The following TOP2B variants were observed in gnomAD, a reference collection of about 807,000 sequenced individuals.
TOP2B encodes the protein DNA topoisomerase II beta, also known as DNA topoisomerase 2-beta.
Under a neutral mutation model 193.5 loss-of-function variants are expected in TOP2B, and 51 were observed. That is an observed-to-expected ratio of 0.26 (90% confidence interval 0.21 to 0.33). The LOEUF (loss-of-function observed/expected upper bound fraction) is 0.33, where lower values mean the gene tolerates loss of function less well. TOP2B is among the 10% of genes least tolerant of loss of function. TOP2B has a pLI of 1.00. For missense variants in TOP2B, 1,378 were observed against 1,909.3 expected, an observed-to-expected ratio of 0.72 and a Z score of 5.19; for synonymous variants, 634 against 635.7, an observed-to-expected ratio of 1.00 and a Z score of 0.04.
chr3:25,608,076 T>C (rs186377673), intron 30 of TOP2B, among the ~76,000 whole-genome samples: 21 of 152,336 alleles, frequency 1.4e-4, no homozygotes, highest in East Asian at 7.7e-4. Context: ...TGAGCCACTG[T>C]ACCGACACCT....
rs1454051920 is a variant in TOP2B, at chr3:25,607,174, G to A, written c.4295C>T (p.Pro1432Leu). 4 of 1,612,860 alleles carry A rather than the reference G, an allele frequency of 2.5e-6. No homozygotes were observed. Among genetic ancestry groups the A allele is most frequent in the Non-Finnish European group, 2.5e-6 (3 of 1,179,452 alleles). ...ATCACTAAATAGCATTACTTACTCTGGAGTGGCTTTTGATTTGCCTGGTGA... is the reference window on the plus strand; with the variant it reads ...ATCACTAAATAGCATTACTTACTCTAGAGTGGCTTTTGATTTGCCTGGTGA... Reference protein sequence around the residue: ...TFSPGKSKATPEKSLHDKKSQ... With the variant: ...TFSPGKSKATLEKSLHDKKSQ... Residue 1432 changes from proline (P) to leucine (L), a missense_variant, in exon 31 of 36, where the codon CCA becomes CTA. Physicochemically the swap from Pro to Leu is moderately conservative, Grantham distance 98. Coordinates refer to ENST00000264331, the MANE Select transcript of TOP2B (RefSeq NM_001330700.2).
At chr3:25,621,661 C>T (rs4594587) in intron 21 of TOP2B, among the ~76,000 whole-genome samples, 54,676 of 151,794 alleles carry the variant, frequency 0.36, 10,606 homozygotes, top group African/African-American at 0.51. Context: ...ACCTGGCCTA[C>T]TCTAAAATTC....
chr3:25,603,446 T>G (rs149813531), intron 33 of TOP2B, among the ~76,000 whole-genome samples: 7 of 152,128 alleles, frequency 4.6e-5, no homozygotes, highest in African/African-American at 1.7e-4. Context: ...TTTTGCCATG[T>G]TGGCCAGGCT....
Position 25,626,583 on chromosome 3 carries a change from C to A in TOP2B, c.2201G>T (p.Arg734Ile). 6.6e-7 allele frequency: 1 copy of A among 1,519,002 alleles called. No individual in the cohort carries two copies. The highest frequency in any genetic ancestry group is 8.8e-7 in the Non-Finnish European group (1 of 1,134,968). The allele number at this position is 1,519,002 out of a possible 1,614,324, so 94.1% of individuals were successfully genotyped here. Reference protein sequence around the residue: ...LILFSNSDNERSIPSLVDGFK... With the variant: ...LILFSNSDNEISIPSLVDGFK... ...ACCATCAACAAGAGATGGTATAGAT[C>A]TTTCATTGTCTGAGTTTGAGAAGAG... Residue 734 changes from arginine to isoleucine, a missense_variant, in exon 18 of 36, where the codon AGA becomes ATA. Arg to Ile is a moderately conservative substitution (Grantham distance 97). Coordinates refer to ENST00000264331, the MANE Select transcript of TOP2B (RefSeq NM_001330700.2).
At chr3:25,609,379 A>G (rs371057641) in intron 29 of TOP2B, 35 bp from the exon 30 acceptor site, 4 of 1,519,030 alleles carry the variant, frequency 2.6e-6, no homozygotes, top group East Asian at 4.7e-5. Context: ...GTATGTATCC[A>G]TATTTATAGA....
chr3:25,623,369 C>A (rs1702713381), intron 21 of TOP2B, 146 bp downstream of exon 21: 4 of 689,948 alleles, frequency 5.8e-6, no homozygotes, highest in Middle Eastern at 3.9e-4. Flanking sequence ...TTACTGTAGG[C>A]ACATATCAAA....
At chr3:25,606,413 G>T in intron 31 of TOP2B, among the ~76,000 whole-genome samples, 1 of 152,032 alleles carries the variant, frequency 6.6e-6, no homozygotes, top group Non-Finnish European at 1.5e-5. Context: ...ATGGTTTAAA[G>T]TTATTCAAAA....
intron 13 of TOP2B, among the ~76,000 whole-genome samples, chr3:25,629,547 T>C (rs1702899243): frequency 1.3e-5 from 2 of 152,132 alleles, no homozygotes; most frequent in South Asian, 2.1e-4. Flanking sequence ...TAAAACTATA[T>C]ATTAATAGCA....
Position 25,630,899 on chromosome 3 carries a change from AC to A in TOP2B, c.1306del (p.Val436Ter). On this transcript the variant is annotated frameshift_variant, in exon 11 of 36. Coordinates refer to ENST00000264331, the MANE Select transcript of TOP2B (RefSeq NM_001330700.2). LOFTEE classifies it high-confidence loss of function. The part of the protein sequence containing the change: ...CGIVESILNW[V>X]KFKAQTQLNK... ...CAGCTGAGTCTGAGCCTTAAATTTCACCCAGTTCAGGATACTTTCTACAATG... is the reference window on the plus strand; with the variant it reads ...CAGCTGAGTCTGAGCCTTAAATTTCACCAGTTCAGGATACTTTCTACAATG... 1 of 1,604,640 alleles carries A rather than the reference AC, an allele frequency of 6.2e-7. No individual in the cohort carries two copies. The highest frequency in any genetic ancestry group is 1.1e-5 in the South Asian group (1 of 89,670).
Position 25,626,606 on chromosome 3 carries a change from G to A in TOP2B, c.2178C>T (p.Leu726=). The change falls in exon 18 of 36, where the codon CTC becomes CTT. Residue 726 remains leucine (L), a synonymous_variant. Transcript: ENST00000264331. ...ATCTTTCATTGTCTGAGTTTGAGAA[G>A]AGAATCAATTCCTTGTTGATGAAAT... The part of the protein sequence containing the change: ...YNDFINKELI[L]FSNSDNERSI... The A allele has an allele frequency of 6.5e-7, 1 of 1,536,684 alleles. No homozygotes were observed. Among genetic ancestry groups the A allele is most frequent in the East Asian group, 2.4e-5 (1 of 42,024 alleles).
At chr3:25,619,642 C>T (rs1386809970) in intron 23 of TOP2B, among the ~76,000 whole-genome samples, 1 of 151,296 alleles carries the variant, frequency 6.6e-6, no homozygotes, top group Non-Finnish European at 1.5e-5. Flanking sequence ...TGTTTTCAAG[C>T]CCAGATGCAT....
intron 20 of TOP2B, among the ~76,000 whole-genome samples, chr3:25,624,088 A>G (rs905898807): frequency 6.6e-6 from 1 of 152,202 alleles, no homozygotes; most frequent in African/African-American, 2.4e-5. Flanking sequence ...AAACATCCTT[A>G]ATTCACTAGG....
At position 25,664,255 on chromosome 3, in the gene TOP2B, C is replaced by A; in HGVS notation, c.43G>T (p.Gly15Cys). Residue 15 changes from glycine (G) to cysteine (C), a missense_variant, in exon 1 of 36, where the codon GGC (glycine) becomes TGC (cysteine). Physicochemically the swap from Gly to Cys is radical, Grantham distance 159 (BLOSUM62 -3). This residue lies in a region of TOP2B where 83 missense variants were observed against 59.3 expected (regional missense o/e 1.40). Coordinates refer to ENST00000264331, the MANE Select transcript of TOP2B (RefSeq NM_001330700.2). ...GGCGAGAGVG[G>C]GNGALTWVTL... Reference sequence around the variant, plus strand: ...ACCCAGGTCAGTGCCCCGTTGCCGCCGCCCACGCCGGCTCCCGCGCCGCAG... The same window carrying A: ...ACCCAGGTCAGTGCCCCGTTGCCGCAGCCCACGCCGGCTCCCGCGCCGCAG... 3 of 1,537,684 alleles carry A rather than the reference C, an allele frequency of 2.0e-6. No homozygotes were observed. Among genetic ancestry groups the A allele is most frequent in the African/African-American group, 2.7e-5 (2 of 72,904 alleles).
intron 34 of TOP2B, 118 bp from the exon 35 acceptor site, chr3:25,599,647 G>T: frequency 1.1e-6 from 1 of 889,570 alleles, no homozygotes; most frequent in Non-Finnish European, 1.7e-6. Context: ...TTGCAGTCCT[G>T]ATCTCTTACT....
At chr3:25,613,752 A>G (rs981233706) in intron 27 of TOP2B, among the ~76,000 whole-genome samples, 3 of 151,948 alleles carry the variant, frequency 2.0e-5, no homozygotes, top group Non-Finnish European at 4.4e-5. Flanking sequence ...AAAAAGCCAG[A>G]TAATTTATAG....
chr3:25,664,014 C>A (rs553007597), intron 1 of TOP2B, among the ~76,000 whole-genome samples: 2 of 152,272 alleles, frequency 1.3e-5, no homozygotes, highest in Non-Finnish European at 2.9e-5. Context: ...ACACATTACG[C>A]TCTGGCAGTC....
chr3:25,633,386 G>GCCTT (rs1703016019), intron 8 of TOP2B, among the ~76,000 whole-genome samples: 1 of 152,086 alleles, frequency 6.6e-6, no homozygotes, highest in Non-Finnish European at 1.5e-5. Context: ...AAAGCTCCAT[G>GCCTT]CCTTACCCAG....
At chr3:25,612,087 G>A (rs1483113294) in intron 28 of TOP2B, among the ~76,000 whole-genome samples, 1 of 151,660 alleles carries the variant, frequency 6.6e-6, no homozygotes, top group East Asian at 1.9e-4. Flanking sequence ...TGATACAGGC[G>A]CCCACCACCA....
chr3:25,639,366 T>C (rs1421634576), intron 4 of TOP2B, among the ~76,000 whole-genome samples: 3 of 145,002 alleles, frequency 2.1e-5, no homozygotes, highest in Non-Finnish European at 4.5e-5. Context: ...TGGAGTGCAA[T>C]GACACGATCT....
Sources: gnomAD v4.1 joint callset for allele counts (sites outside exome capture counted in the v4.1 genomes callset) on GRCh38, gnomAD v4.1.1 for gene constraint, gnomAD v4.1.1 regional missense constraint, MANE v1.5 for transcripts, NCBI Gene and HGNC (gene_info 2026-07-23, HGNC 2026-07-21) for gene names.